Variants in CYP24A1 observed in about 807,000 individuals in gnomAD.
The protein encoded by CYP24A1 is cytochrome P450 family 24 subfamily A member 1.
A neutral mutation model predicts 62.4 loss-of-function variants in CYP24A1; 68 were observed. The ratio of observed to expected loss-of-function variants is 1.09; its 90% CI spans 0.90 to 1.33. CYP24A1 has a LOEUF of 1.33. Ranked by LOEUF, CYP24A1 falls within the 40% of genes most tolerant of loss-of-function variation. CYP24A1 has a pLI of 0.00. For synonymous variants in CYP24A1, 267 were observed against 253.0 expected (o/e 1.06, Z -0.52); for missense variants, 787 against 653.0 (o/e 1.21, Z -2.24).
chr20:54,168,268 G>C (rs148543718), intron 4 of CYP24A1, among the ~76,000 whole-genome samples: 315 of 152,264 alleles, frequency 2.1e-3, no homozygotes, highest in South Asian at 0.013. Context: ...CACCCCCATG[G>C]GCAGTGAGCT....
chr20:54,167,233 A>G (rs2092675325), intron 4 of CYP24A1, among the ~76,000 whole-genome samples: 2 of 152,178 alleles, frequency 1.3e-5, no homozygotes, highest in Non-Finnish European at 2.9e-5. Flanking sequence ...TCCAAACTCT[A>G]CTTATTTCTT....
Position 54,158,957 on chromosome 20 carries a change from C to G in CYP24A1, c.1157G>C (p.Arg386Thr), listed in dbSNP as rs2092639602. Reference sequence around the variant, plus strand: ...TATTGGCTCAGAGATAGGCTCTTACCTCATAGATTCTTTCAGACAGGCTTT... The same window carrying G: ...TATTGGCTCAGAGATAGGCTCTTACGTCATAGATTCTTTCAGACAGGCTTT... ...YLKACLKESM[R>T]LTPSVPFTTR... is the part of the protein sequence containing the mutation. Residue 386 changes from arginine (R) to threonine (T), a missense_variant and splice_region_variant, in exon 8 of 12, where the codon AGG (arginine) becomes ACG (threonine). Arg to Thr is a moderately conservative substitution (Grantham distance 71). Coordinates refer to ENST00000216862, the MANE Select transcript of CYP24A1 (RefSeq NM_000782.5). The G allele has an allele frequency of 1.9e-6, 3 of 1,614,054 alleles. No homozygotes were observed. Among genetic ancestry groups the G allele is most frequent in the African/African-American group, 2.7e-5 (2 of 74,908 alleles).
At chr20:54,172,853 C>T in intron 2 of CYP24A1, 56 bp downstream of exon 2, 6 of 1,610,868 alleles carry the variant, frequency 3.7e-6, no homozygotes, top group Non-Finnish European at 4.2e-6. Context: ...AATTTCCAGG[C>T]GCCGTCAGGC....
chr20:54,157,151 A>G lies in CYP24A1; in HGVS notation c.*10+18T>C, dbSNP rs1462443834. 1 of 1,200,984 alleles carries G rather than the reference A, an allele frequency of 8.3e-7. No individual in the cohort carries two copies. Among genetic ancestry groups the G allele is most frequent in the South Asian group, 1.2e-5 (1 of 80,702 alleles). 74.4% of individuals were successfully genotyped at this position (1,200,984 alleles called of 1,614,324 possible). On this transcript the variant is annotated intron_variant, in intron 11 of 11. Coordinates refer to ENST00000216862, the MANE Select transcript of CYP24A1 (RefSeq NM_000782.5). Reference sequence around the variant, plus strand: ...TCTCACTACCTTGCAGAGGATAATGAACCGCCTAGATGCTCACCTGAGGCG... The same window carrying G: ...TCTCACTACCTTGCAGAGGATAATGGACCGCCTAGATGCTCACCTGAGGCG...
chr20:54,145,203 A>G, the CYP24A1 span, among the ~76,000 whole-genome samples: 1 of 151,990 alleles, frequency 6.6e-6, no homozygotes, highest in Non-Finnish European at 1.5e-5. Context: ...GTCACTCGCT[A>G]GTGAACCTTG....
chr20:54,151,721 C>T (rs1331158939), downstream of CYP24A1, among the ~76,000 whole-genome samples: 5 of 151,836 alleles, frequency 3.3e-5, no homozygotes, highest in Non-Finnish European at 7.4e-5. Flanking sequence ...TGCCACCACG[C>T]CCAGCTAATT....
chr20:54,150,572 G>A (rs890685412), downstream of CYP24A1, among the ~76,000 whole-genome samples: 1 of 151,870 alleles, frequency 6.6e-6, no homozygotes, highest in Admixed American at 6.6e-5. Flanking sequence ...GTGATCCATC[G>A]GCCTCGGCCT....
At position 54,173,411 on chromosome 20, in the gene CYP24A1, C is replaced by G. The variant is rs766293945; in HGVS notation, c.169G>C (p.Ala57Pro). ...GGCCAGCTGGTGGGGCCCGGCAGGG[C>G]GGCCGCGTTCTGAGTCTCGCCACCA... is the stretch of plus-strand genomic sequence containing the variant. ...TAGGETQNAA[A>P]LPGPTSWPLL... is the part of the protein sequence containing the mutation. The change falls in exon 1 of 12, where the codon GCC (alanine) becomes CCC (proline). Residue 57 changes from alanine (A) to proline (P), a missense_variant. Physicochemically the swap from Ala to Pro is conservative, Grantham distance 27. Transcript: ENST00000216862. The surrounding 1 kb of genome is among the most constrained non-coding windows in gnomAD (Gnocchi z 7.2). The G allele has an allele frequency of 1.9e-6, 3 of 1,576,050 alleles. No homozygotes were observed. Among genetic ancestry groups the G allele is most frequent in the South Asian group, 2.3e-5 (2 of 86,588 alleles).
intron 4 of CYP24A1, among the ~76,000 whole-genome samples, chr20:54,168,500 A>C (rs2092680363): frequency 1.3e-5 from 2 of 151,980 alleles, no homozygotes; most frequent in African/African-American, 4.8e-5. Context: ...AAGTTCCTCA[A>C]ACTCGGCGCT....
the CYP24A1 span, among the ~76,000 whole-genome samples, chr20:54,148,187 C>CTTT: frequency 2.5e-3 from 366 of 148,038 alleles, 13 homozygotes; most frequent in East Asian, 0.054. Flanking sequence ...CTTTTCTTTT[C>CTTT]TTTTTTTTTT....
At chr20:54,167,887 G>T (rs1426585429) in intron 4 of CYP24A1, among the ~76,000 whole-genome samples, 1 of 152,192 alleles carries the variant, frequency 6.6e-6, no homozygotes, top group Non-Finnish European at 1.5e-5. Context: ...CAGCCACAGT[G>T]ATCCTCCCAG....
rs2092700741 is a variant in CYP24A1, at chr20:54,173,193, C to G, written c.259-94G>C. Reference sequence around the variant, plus strand: ...TCCCGCCTCCTTCCTCCTAGGGGACCGGGGACCCTCCCTGCCCAGACGCCG... The same window carrying G: ...TCCCGCCTCCTTCCTCCTAGGGGACGGGGGACCCTCCCTGCCCAGACGCCG... On this transcript the variant is annotated intron_variant, in intron 1 of 11. Transcript: ENST00000216862. The surrounding 1 kb of genome is among the most constrained non-coding windows in gnomAD (Gnocchi z 7.2). The G allele has an allele frequency of 6.5e-7, 1 of 1,537,706 alleles. No homozygotes were observed. The highest frequency in any genetic ancestry group is 1.1e-5 in the South Asian group (1 of 88,662).
intron 4 of CYP24A1, among the ~76,000 whole-genome samples, chr20:54,168,757 T>TC (rs535431006): frequency 8.4e-6 from 1 of 118,972 alleles, no homozygotes; most frequent in Non-Finnish European, 1.7e-5. Context: ...CTTCCTTCCT[T>TC]CTCTCCCTCC....
At chr20:54,153,141 T>C (rs1449299313), downstream of CYP24A1, among the ~76,000 whole-genome samples, 1 of 152,082 alleles carries the variant, frequency 6.6e-6, no homozygotes, top group Non-Finnish European at 1.5e-5. Flanking sequence ...GAGAACAGGC[T>C]CCCAGGCCGT....
chr20:54,159,970 C>G (rs915752344), intron 7 of CYP24A1, among the ~76,000 whole-genome samples: 4 of 152,022 alleles, frequency 2.6e-5, no homozygotes, highest in African/African-American at 9.7e-5. Context: ...ATGGAGTAAA[C>G]AGAGAGGGAT....
Position 54,162,603 on chromosome 20 carries a change from G to A in CYP24A1, c.990+114C>T, listed in dbSNP as rs541392563. 36 of 784,738 alleles carry A rather than the reference G, an allele frequency of 4.6e-5. No individual in the cohort carries two copies. In the African/African-American group the frequency reaches 5.7e-4, roughly 12 times the overall value. The allele number at this position is 784,738 out of a possible 1,614,324, so 48.6% of individuals were successfully genotyped here. A position where few individuals can be genotyped will look rare whatever the true frequency, so the allele number is the denominator to read the frequency against. On this transcript the variant is annotated intron_variant, in intron 7 of 11. Transcript: ENST00000216862. Reference sequence around the variant, plus strand: ...GTATGAGACTTTTCATTTTTGTGGAGTTGATGCTAGTGAATCCCAGTGAAA... The same window carrying A: ...GTATGAGACTTTTCATTTTTGTGGAATTGATGCTAGTGAATCCCAGTGAAA...
At chr20:54,152,239 G>A (rs137979775), downstream of CYP24A1, among the ~76,000 whole-genome samples, 7 of 152,342 alleles carry the variant, frequency 4.6e-5, no homozygotes, top group East Asian at 1.4e-3. Context: ...AAGTCTAGAA[G>A]TATCTTAGAG....
intron 3 of CYP24A1, among the ~76,000 whole-genome samples, chr20:54,170,250 C>A (rs902720475): frequency 6.6e-6 from 1 of 152,194 alleles, no homozygotes; most frequent in African/African-American, 2.4e-5. Context: ...GTTTCATAAA[C>A]CAGAGTTTTC....
chr20:54,169,953 CA>C (rs1271131856), intron 3 of CYP24A1, among the ~76,000 whole-genome samples: 1 of 149,906 alleles, frequency 6.7e-6, no homozygotes, highest in Non-Finnish European at 1.5e-5. Context: ...ATAATTCTGG[CA>C]ATTTAAGAAA....
Sources: allele counts gnomAD v4.1 joint callset (sites outside exome capture counted in the v4.1 genomes callset), GRCh38; gene constraint gnomAD v4.1.1; non-coding constraint Gnocchi (gnomAD v3.1); transcripts MANE v1.5; gene names NCBI Gene and HGNC (gene_info 2026-07-23, HGNC 2026-07-21).